The following APOC2 variants were observed in gnomAD, a reference collection of about 807,000 sequenced individuals.
APOC2 encodes apolipoprotein C2, also known as apolipoprotein C-II.
Under a neutral mutation model 10.2 loss-of-function variants are expected in APOC2, and 6 were observed. The ratio of observed to expected loss-of-function variants is 0.59; its 90% CI spans 0.32 to 1.16. The LOEUF is 1.16. APOC2 is among the 50% of genes most tolerant of loss of function. The pLI is 0.05. For missense variants in APOC2, 110 were observed against 117.6 expected, an observed-to-expected ratio of 0.94 and a Z score of 0.30; for synonymous variants, 56 against 48.5, an observed-to-expected ratio of 1.15 and a Z score of -0.64.
chr19:44,949,331 C>A lies in APOC2; in HGVS notation c.*82C>A. The A allele has an allele frequency of 9.6e-7, 1 of 1,036,882 alleles. No individual in the cohort carries two copies. Among genetic ancestry groups the A allele is most frequent in the African/African-American group, 1.6e-5 (1 of 63,670 alleles). The allele number at this position is 1,036,882 out of a possible 1,614,324, so 64.2% of individuals were successfully genotyped here. On this transcript the variant is annotated 3_prime_UTR_variant, in exon 4 of 4. Coordinates refer to ENST00000252490, the MANE Select transcript of APOC2 (RefSeq NM_000483.5). ...AGGTTCAGACTGAGCTCCCCCTTCC[C>A]AGTAGCTCTTGCATCCTCCTCCCAA...
chr19:44,949,010 G>A (rs1272138114), intron 3 of APOC2, 149 bp from the exon 4 acceptor site: 2 of 855,324 alleles, frequency 2.3e-6, no homozygotes, highest in Non-Finnish European at 3.2e-6. Flanking sequence ...CAGGCCCCCA[G>A]CCCGTCCTCC....
rs922695250 is a variant in APOC2, at chr19:44,949,425, T to G, written c.*176T>G. 6.3e-6 allele frequency: 4 copies of G among 637,666 alleles called. No homozygotes were observed. In the South Asian group the frequency reaches 7.0e-5, roughly 11 times the overall value. 39.5% of individuals were successfully genotyped at this position (637,666 alleles called of 1,614,324 possible). A position where few individuals can be genotyped will look rare whatever the true frequency, so the allele number is the denominator to read the frequency against. On this transcript the variant is annotated 3_prime_UTR_variant, in exon 4 of 4. Transcript: ENST00000252490. ...CTTCTCATGGATGGCACTGCTTTTC[T>G]GAGGACTCAAGGGCCAAGATGGAGG...
intron 1 of APOC2, 75 bp from the exon 2 acceptor site, chr19:44,948,391 C>A (rs12709887): frequency 2.7e-5 from 34 of 1,278,186 alleles, no homozygotes; most frequent in African/African-American, 8.8e-5. Flanking sequence ...CAGTCCCCCC[C>A]ACCAGAGTGG....
At position 44,949,147 on chromosome 19, in the gene APOC2, C is replaced by T; in HGVS notation, c.216-12C>T. The T allele has an allele frequency of 6.2e-7, 1 of 1,612,552 alleles. No homozygotes were observed. The highest frequency in any genetic ancestry group is 8.5e-7 in the Non-Finnish European group (1 of 1,179,056). ...CCCCTCCTCCCTCTAACCATCTGTGCTTTCTCCCCAGGGACTTGTACAGCA... is the reference window on the plus strand; with the variant it reads ...CCCCTCCTCCCTCTAACCATCTGTGTTTTCTCCCCAGGGACTTGTACAGCA... On this transcript the variant is annotated splice_polypyrimidine_tract_variant and intron_variant, in intron 3 of 3. Transcript: ENST00000252490.
In APOC2 at chr19:44,949,332, A is replaced by C; in HGVS notation, c.*83A>C. On this transcript the variant is annotated 3_prime_UTR_variant, in exon 4 of 4. Transcript: ENST00000252490. Reference sequence around the variant, plus strand: ...GGTTCAGACTGAGCTCCCCCTTCCCAGTAGCTCTTGCATCCTCCTCCCAAC... The same window carrying C: ...GGTTCAGACTGAGCTCCCCCTTCCCCGTAGCTCTTGCATCCTCCTCCCAAC... 9.7e-7 allele frequency: 1 copy of C among 1,026,808 alleles called. No homozygotes were observed. The highest frequency in any genetic ancestry group is 1.5e-6 in the Non-Finnish European group (1 of 664,076). 63.6% of individuals were successfully genotyped at this position (1,026,808 alleles called of 1,614,324 possible).
Position 44,948,763 on chromosome 19 carries a change from G to T in APOC2, c.118G>T (p.Val40Leu), listed in dbSNP as rs368487465. Reference protein sequence around the residue: ...EMPSPTFLTQVKESLSSYWES... With the variant: ...EMPSPTFLTQLKESLSSYWES... ...GCCTAGCCCGACCTTCCTCACCCAG[G>T]TGAAGGAATCTCTCTCCAGTTACTG... Residue 40 changes from valine to leucine, a missense_variant, in exon 3 of 4, where the codon GTG becomes TTG. Physicochemically the swap from Val to Leu is conservative, Grantham distance 32. Coordinates refer to ENST00000252490, the MANE Select transcript of APOC2 (RefSeq NM_000483.5). 7.4e-6 allele frequency: 12 copies of T among 1,614,166 alleles called. No homozygotes were observed. The African/African-American group carries it at 1.5e-4, about 20-fold the overall frequency.
intron 1 of APOC2, 57 bp from the exon 2 acceptor site, chr19:44,948,409 C>G: frequency 6.7e-7 from 1 of 1,483,210 alleles, no homozygotes; most frequent in South Asian, 1.1e-5. Context: ...TGGGGCGTGA[C>G]CACAGGAACA....
At position 44,949,482 on chromosome 19, in the gene APOC2, C is replaced by A; in HGVS notation, c.*233C>A. On this transcript the variant is annotated 3_prime_UTR_variant, in exon 4 of 4. Transcript: ENST00000252490. ...CTCAGTCCAGCCAACATTTAATGAG[C>A]ACCTACTTTATGTATGGAGCTCTAA... is the stretch of plus-strand genomic sequence containing the variant. 1 of 576,576 alleles carries A rather than the reference C, an allele frequency of 1.7e-6. No homozygotes were observed. The highest frequency in any genetic ancestry group is 3.0e-5 in the East Asian group (1 of 33,462). The allele number at this position is 576,576 out of a possible 1,614,324, so 35.7% of individuals were successfully genotyped here.
At chr19:44,946,682 T>G (rs1970325438) in intron 1 of APOC2, among the ~76,000 whole-genome samples, 1 of 150,842 alleles carries the variant, frequency 6.6e-6, no homozygotes. Context: ...ATTGGCCGGG[T>G]GTGGTAGCAT....
intron 1 of APOC2, 141 bp downstream of exon 1, chr19:44,946,216 TGTGTGTGTGTGTGTGTGTGA>T: frequency 8.4e-6 from 1 of 119,072 alleles, no homozygotes; most frequent in Non-Finnish European, 1.9e-5. Context: ...TGTGTGTGTG[TGTGTGTGTGTGTGTGTGTGA>T]GAGAGAGAGA....
chr19:44,948,874 C>A lies in APOC2; in HGVS notation c.215+14C>A. ...TGAGAAACTCAGGTAGCACCTGCCC[C>A]TGGAGAAATGGGGTCTGGCCCATAC... On this transcript the variant is annotated intron_variant, in intron 3 of 3. Transcript: ENST00000252490. 1 of 1,610,304 alleles carries A rather than the reference C, an allele frequency of 6.2e-7. No individual in the cohort carries two copies. The highest frequency in any genetic ancestry group is 1.1e-5 in the South Asian group (1 of 91,088).
intron 1 of APOC2, among the ~76,000 whole-genome samples, chr19:44,946,522 A>G (rs1455267951): frequency 6.6e-6 from 1 of 151,584 alleles, no homozygotes; most frequent in East Asian, 1.9e-4. Flanking sequence ...CCCATTTCTA[A>G]AAAAGAGAAA....
At position 44,949,332 on chromosome 19, in the gene APOC2, A is replaced by G. The variant is rs1183870497; in HGVS notation, c.*83A>G. On this transcript the variant is annotated 3_prime_UTR_variant, in exon 4 of 4. Transcript: ENST00000252490. ...GGTTCAGACTGAGCTCCCCCTTCCC[A>G]GTAGCTCTTGCATCCTCCTCCCAAC... 2 of 1,026,690 alleles carry G rather than the reference A, an allele frequency of 1.9e-6. No homozygotes were observed. Among genetic ancestry groups the G allele is most frequent in the Admixed American group, 2.0e-5 (1 of 51,258 alleles). 63.6% of individuals were successfully genotyped at this position (1,026,690 alleles called of 1,614,324 possible).
At chr19:44,946,991 AAAATAC>A (rs1328809744) in intron 1 of APOC2, among the ~76,000 whole-genome samples, 6 of 152,134 alleles carry the variant, frequency 3.9e-5, no homozygotes, top group African/African-American at 1.4e-4. Context: ...GTCTCTACTA[AAAATAC>A]AAAAATTAGA....
intron 1 of APOC2, 52 bp from the exon 2 acceptor site, chr19:44,948,414 G>A: frequency 6.6e-7 from 1 of 1,522,802 alleles, no homozygotes; most frequent in Non-Finnish European, 9.1e-7. Flanking sequence ...CGTGACCACA[G>A]GAACAGCCGC....
intron 1 of APOC2, among the ~76,000 whole-genome samples, chr19:44,946,687 T>A (rs867746615): frequency 6.6e-6 from 1 of 151,808 alleles, no homozygotes; most frequent in East Asian, 1.9e-4. Flanking sequence ...CCGGGTGTGG[T>A]AGCATATGCC....
chr19:44,949,188 T>A lies in APOC2; in HGVS notation c.245T>A (p.Met82Lys). Reference protein sequence around the residue: ...RDLYSKSTAAMSTYTGIFTDQ... With the variant: ...RDLYSKSTAAKSTYTGIFTDQ... ...TTGTACAGCAAAAGCACAGCAGCCA[T>A]GAGCACTTACACAGGCATTTTTACT... The change falls in exon 4 of 4, where the codon ATG becomes AAG. Residue 82 changes from methionine to lysine, a missense_variant. Met to Lys is a moderately conservative substitution (Grantham distance 95). Coordinates refer to ENST00000252490, the MANE Select transcript of APOC2 (RefSeq NM_000483.5). 1 of 1,613,902 alleles carries A rather than the reference T, an allele frequency of 6.2e-7. No homozygotes were observed. The highest frequency in any genetic ancestry group is 8.5e-7 in the Non-Finnish European group (1 of 1,179,958).
intron 1 of APOC2, among the ~76,000 whole-genome samples, chr19:44,946,797 G>T (rs1970326747): frequency 6.6e-6 from 1 of 152,120 alleles, no homozygotes; most frequent in South Asian, 2.1e-4. Flanking sequence ...ACTCTAGCCT[G>T]GGTGACAGAG....
At chr19:44,946,898 T>G (rs1970327914) in intron 1 of APOC2, among the ~76,000 whole-genome samples, 1 of 152,174 alleles carries the variant, frequency 6.6e-6, no homozygotes, top group Non-Finnish European at 1.5e-5. Flanking sequence ...ACACTTGTAA[T>G]CCAAACGCTT....
Sources: gnomAD v4.1 joint callset for allele counts (sites outside exome capture counted in the v4.1 genomes callset) on GRCh38, gnomAD v4.1.1 for gene constraint, MANE v1.5 for transcripts, NCBI Gene and HGNC (gene_info 2026-07-23, HGNC 2026-07-21) for gene names.